The following NUP210 variants were observed in gnomAD, a reference collection of about 807,000 sequenced individuals.
NUP210 encodes the protein nuclear pore membrane glycoprotein 210.
NUP210 carries 151 observed loss-of-function variants against 196.0 expected under a neutral mutation model. The observed-to-expected ratio is 0.77, with a 90% CI of 0.67 to 0.88. NUP210 has a LOEUF of 0.88. Among genes scored for constraint, NUP210 ranks in the 40% least tolerant of loss-of-function variants. The probability of loss-of-function intolerance (pLI) is 0.00; values close to 1 mark genes in which losing one functional copy is unlikely to be tolerated. For missense variants in NUP210, 2,314 were observed against 2,493.7 expected (o/e 0.93, Z 1.53); for synonymous variants, 1,070 against 1,052.7 (o/e 1.02, Z -0.32).
intron 13 of NUP210, 29 bp downstream of exon 13, chr3:13,371,805 C>A: frequency 1.3e-6 from 2 of 1,574,174 alleles, no homozygotes; most frequent in South Asian, 2.3e-5. Context: ...ATCCCAGTAT[C>A]TGGCACCTGC....
Position 13,341,736 on chromosome 3 carries a change from A to G in NUP210, c.3228+12T>C. 3.1e-6 allele frequency: 5 copies of G among 1,614,118 alleles called. No homozygotes were observed. Among genetic ancestry groups the G allele is most frequent in the Non-Finnish European group, 4.2e-6 (5 of 1,179,974 alleles). On this transcript the variant is annotated intron_variant, in intron 23 of 39. Transcript: ENST00000254508. ...GGCTGATCCCACATGGTGTGGGAAG[A>G]ACTCGTCTTACTTCAATCTGTTGTG...
intron 1 of NUP210, 101 bp downstream of exon 1, chr3:13,419,959 G>T: frequency 1.3e-6 from 1 of 751,424 alleles, no homozygotes; most frequent in Non-Finnish European, 1.7e-6. Context: ...AGCGCGCCGC[G>T]CACCTGCCGG....
chr3:13,347,083 T>A lies in NUP210; in HGVS notation c.2836-3780A>T. ...ACTCCCCACTCATCCTGGACACATGTCCTCACCTGAACAATGGCCCCATGA... is the reference window on the plus strand; with the variant it reads ...ACTCCCCACTCATCCTGGACACATGACCTCACCTGAACAATGGCCCCATGA... On this transcript the variant is annotated intron_variant, in intron 20 of 39. Coordinates refer to ENST00000254508, the MANE Select transcript of NUP210 (RefSeq NM_024923.4). The surrounding 1 kb of genome is among the most constrained non-coding windows in gnomAD (Gnocchi z 4.7). The A allele has an allele frequency of 2.0e-6, 2 of 985,382 alleles. No individual in the cohort carries two copies. Among genetic ancestry groups the A allele is most frequent in the Non-Finnish European group, 2.4e-6 (2 of 829,914 alleles). 61.0% of individuals were successfully genotyped at this position (985,382 alleles called of 1,614,324 possible). A position where few individuals can be genotyped will look rare whatever the true frequency, so the allele number is the denominator to read the frequency against.
In NUP210 at chr3:13,378,937, G is replaced by A. The variant is rs760636536; in HGVS notation, c.1020C>T (p.Ile340=). 2.5e-6 allele frequency: 4 copies of A among 1,614,088 alleles called. No individual in the cohort carries two copies. In the African/African-American group the frequency reaches 5.3e-5, roughly 22 times the overall value. The change falls in exon 8 of 40, where the codon ATC becomes ATT. Residue 340 remains isoleucine (I), a synonymous_variant. Coordinates refer to ENST00000254508, the MANE Select transcript of NUP210 (RefSeq NM_024923.4). ...CTAGGTATCCAGGTTCGACCACGTAGATAGTGCTGTTGGGTAACCTAGAAG... is the reference window on the plus strand; with the variant it reads ...CTAGGTATCCAGGTTCGACCACGTAAATAGTGCTGTTGGGTAACCTAGAAG... ...QGASRLPNST[I]YVVEPGYLGF... is the part of the protein sequence containing the mutation.
At position 13,343,317 on chromosome 3, in the gene NUP210, GCGGAGGTGGAGGGGT is replaced by G; in HGVS notation, c.2836-29_2836-15del. On this transcript the variant is annotated splice_polypyrimidine_tract_variant and intron_variant, in intron 20 of 39. Coordinates refer to ENST00000254508, the MANE Select transcript of NUP210 (RefSeq NM_024923.4). ...CAAAGGGTGCACCTGCAAGGTTGGG[GCGGAGGTGGAGGGGT>G]GGGTGGTGGGTTACGCAGCTGCAGG... 6.2e-7 allele frequency: 1 copy of G among 1,612,260 alleles called. No homozygotes were observed.
rs1008701450 is a variant in NUP210, at chr3:13,347,709, C to G, written c.2835+4170G>C. Among the ~76,000 whole-genome samples, 2 of 152,212 alleles carry G rather than the reference C, an allele frequency of 1.3e-5. No individual in the cohort carries two copies. Among genetic ancestry groups the G allele is most frequent in the Non-Finnish European group, 2.9e-5 (2 of 68,032 alleles). Reference sequence around the variant, plus strand: ...TGGGGAGCGCTGGGGGCTTGTCTATCTCTGTGCTGCTGCTCTGCAGCTGGA... The same window carrying G: ...TGGGGAGCGCTGGGGGCTTGTCTATGTCTGTGCTGCTGCTCTGCAGCTGGA... On this transcript the variant is annotated intron_variant, in intron 20 of 39. Coordinates refer to ENST00000254508, the MANE Select transcript of NUP210 (RefSeq NM_024923.4). The surrounding 1 kb of genome is among the most constrained non-coding windows in gnomAD (Gnocchi z 4.7).
At chr3:13,333,549 T>A (rs1027063475) in intron 28 of NUP210, among the ~76,000 whole-genome samples, 1 of 152,240 alleles carries the variant, frequency 6.6e-6, no homozygotes, top group Non-Finnish European at 1.5e-5. Flanking sequence ...GTGTGTAACA[T>A]GGTCCACAAC....
rs762305024 is a variant in NUP210, at chr3:13,358,238, T to C, written c.2312A>G (p.Gln771Arg). ...PQLDMSCPLL[Q>R]QNKQVVPVSS... ...CACACTCACCACCTGCTTGTTCTGC[T>C]GCAGCAGCGGACAGGACATGTCCAG... is the stretch of plus-strand genomic sequence containing the variant. The change falls in exon 16 of 40, where the codon CAG becomes CGG. Residue 771 changes from glutamine to arginine, a missense_variant. Gln to Arg is a conservative substitution (Grantham distance 43). Transcript: ENST00000254508. 1.9e-6 allele frequency: 3 copies of C among 1,608,970 alleles called. No homozygotes were observed. In the South Asian group the frequency reaches 3.3e-5, roughly 18 times the overall value.
chr3:13,384,510 G>C (rs1354964914), intron 6 of NUP210, among the ~76,000 whole-genome samples: 1 of 152,202 alleles, frequency 6.6e-6, no homozygotes, highest in Non-Finnish European at 1.5e-5. Flanking sequence ...TGAGGCAGGA[G>C]GATGGCTTGA....
intron 1 of NUP210, among the ~76,000 whole-genome samples, chr3:13,410,716 G>C (rs931527107): frequency 7.9e-5 from 12 of 151,160 alleles, no homozygotes; most frequent in African/African-American, 2.7e-4. Flanking sequence ...AGGAGATCGA[G>C]ACCATCCCGG....
chr3:13,327,138 G>T, intron 32 of NUP210, 79 bp downstream of exon 32: 1 of 1,153,534 alleles, frequency 8.7e-7, no homozygotes, highest in Non-Finnish European at 1.2e-6. Context: ...CTGGTGCCGA[G>T]CCCCTGCCCA....
Position 13,327,384 on chromosome 3 carries a change from C to G in NUP210, c.4340G>C (p.Arg1447Pro). 6.2e-7 allele frequency: 1 copy of G among 1,613,356 alleles called. No individual in the cohort carries two copies. The change falls in exon 32 of 40, where the codon CGC becomes CCC. Residue 1447 changes from arginine to proline, a missense_variant. Transcript: ENST00000254508. ...KGPTNNTCVV[R>P]TVSVGLTLLR... Reference sequence around the variant, plus strand: ...CAGTGTCAGGCCCACGCTGACTGTGCGGACAACGCAGGTGTTGTTGGTGGG... The same window carrying G: ...CAGTGTCAGGCCCACGCTGACTGTGGGGACAACGCAGGTGTTGTTGGTGGG...
intron 3 of NUP210, among the ~76,000 whole-genome samples, chr3:13,396,566 G>A (rs1238457012): frequency 1.3e-5 from 2 of 149,716 alleles, no homozygotes; most frequent in Non-Finnish European, 3.0e-5. Context: ...TGGCCAACTT[G>A]GTGAAAACCC....
At chr3:13,330,692 A>C in intron 29 of NUP210, 58 bp from the exon 30 acceptor site, 1 of 1,494,986 alleles carries the variant, frequency 6.7e-7, no homozygotes, top group South Asian at 1.2e-5. Context: ...GTGGGCCTGG[A>C]TACAATGCCA....
At chr3:13,384,960 C>T (rs1203561681) in intron 6 of NUP210, among the ~76,000 whole-genome samples, 1 of 152,208 alleles carries the variant, frequency 6.6e-6, no homozygotes, top group African/African-American at 2.4e-5. Context: ...ACAAATCCTA[C>T]TGCAGGCCAT....
chr3:13,367,017 T>C (rs1576388688), intron 13 of NUP210, among the ~76,000 whole-genome samples: 1 of 151,894 alleles, frequency 6.6e-6, no homozygotes, highest in African/African-American at 2.4e-5. Flanking sequence ...TTCCAGCTAC[T>C]CCGGAGGCTG....
In NUP210 at chr3:13,335,475, G is replaced by C. The variant is rs772501984; in HGVS notation, c.3822C>G (p.Leu1274=). ...CTACCTGGACTTGGATCTCATCCGA[G>C]AGTTCTCTGGCCAGGCCATACAGCT... ...SGQLYGLARE[L]SDEIQVQVFE... The change falls in exon 28 of 40, where the codon CTC becomes CTG. Residue 1274 remains leucine, a synonymous_variant. Coordinates refer to ENST00000254508, the MANE Select transcript of NUP210 (RefSeq NM_024923.4). 2 of 1,613,746 alleles carry C rather than the reference G, an allele frequency of 1.2e-6. No individual in the cohort carries two copies. Among genetic ancestry groups the C allele is most frequent in the African/African-American group, 1.3e-5 (1 of 75,054 alleles).
intron 3 of NUP210, among the ~76,000 whole-genome samples, chr3:13,396,784 T>G (rs1469532554): frequency 8.5e-4 from 80 of 94,538 alleles, no homozygotes; most frequent in African/African-American, 3.3e-3. Context: ...AAAAAAAAAG[T>G]TTCCCTTACT....
intron 37 of NUP210, among the ~76,000 whole-genome samples, chr3:13,319,526 G>A (rs911174163): frequency 7.9e-5 from 9 of 114,188 alleles, no homozygotes; most frequent in South Asian, 6.9e-4. Flanking sequence ...TTCTCCTGGC[G>A]CAGGCTGCTG....
Sources: gnomAD v4.1 joint callset for allele counts (sites outside exome capture counted in the v4.1 genomes callset) on GRCh38, gnomAD v4.1.1 for gene constraint, Gnocchi (gnomAD v3.1) non-coding constraint, MANE v1.5 for transcripts, NCBI Gene and HGNC (gene_info 2026-07-23, HGNC 2026-07-21) for gene names.